The following SPATA6 variants were observed in gnomAD, a reference collection of about 807,000 sequenced individuals.
SPATA6 encodes the protein spermatogenesis-associated protein 6.
A neutral mutation model predicts 65.3 loss-of-function variants in SPATA6; 56 were observed. That is an observed-to-expected ratio of 0.86 (90% CI 0.69 to 1.07). The LOEUF is 1.07. Ranked by LOEUF, SPATA6 falls within the 50% of genes least tolerant of loss-of-function variation. The pLI, the probability that SPATA6 is intolerant of heterozygous loss-of-function variation, is 0.00. For synonymous variants in SPATA6, 199 were observed against 213.2 expected, an observed-to-expected ratio of 0.93 and a Z score of 0.58; for missense variants, 590 against 594.8, an observed-to-expected ratio of 0.99 and a Z score of 0.08.
chr1:48,313,359 T>C (rs1645287284), intron 11 of SPATA6, among the ~76,000 whole-genome samples: 1 of 152,152 alleles, frequency 6.6e-6, no homozygotes, highest in African/African-American at 2.4e-5. Context: ...GCAGAAACTC[T>C]ACAAGCCAGA....
chr1:48,395,679 T>C (rs890882725), intron 7 of SPATA6, among the ~76,000 whole-genome samples: 6 of 151,936 alleles, frequency 3.9e-5, no homozygotes, highest in Admixed American at 1.3e-4. Flanking sequence ...GCAATATACT[T>C]TGCCATATTT....
intron 3 of SPATA6, among the ~76,000 whole-genome samples, chr1:48,430,915 C>T (rs1458673550): frequency 6.6e-6 from 1 of 152,038 alleles, no homozygotes; most frequent in African/African-American, 2.4e-5. Context: ...TGAAATAAGT[C>T]TCTATCAGTA....
intron 9 of SPATA6, 74 bp downstream of exon 9, chr1:48,385,235 C>A: frequency 7.9e-7 from 1 of 1,268,358 alleles, no homozygotes; most frequent in Non-Finnish European, 1.1e-6. Flanking sequence ...ATCTGATATA[C>A]ATATATATGA....
the SPATA6 span, among the ~76,000 whole-genome samples, chr1:48,263,359 A>C: frequency 2.0e-5 from 3 of 152,192 alleles, no homozygotes; most frequent in Non-Finnish European, 4.4e-5. Context: ...AAGATGGATC[A>C]AAAGTATATT....
chr1:48,288,793 G>T, the SPATA6 span, among the ~76,000 whole-genome samples: 1 of 152,222 alleles, frequency 6.6e-6, no homozygotes, highest in East Asian at 1.9e-4. Flanking sequence ...CAGCAAGGCT[G>T]GGGGAGGGGC....
intron 11 of SPATA6, among the ~76,000 whole-genome samples, chr1:48,351,426 G>T (rs1646511383): frequency 6.6e-6 from 1 of 151,998 alleles, no homozygotes; most frequent in African/African-American, 2.4e-5. Context: ...TCTTTCACCA[G>T]TGAGCATAAT....
At chr1:48,376,396 T>A (rs748156541) in intron 9 of SPATA6, among the ~76,000 whole-genome samples, 1 of 152,058 alleles carries the variant, frequency 6.6e-6, no homozygotes, top group African/African-American at 2.4e-5. Flanking sequence ...CCTTGTACAT[T>A]TTCCTATTTC....
the SPATA6 span, among the ~76,000 whole-genome samples, chr1:48,283,103 T>A: frequency 6.9e-6 from 1 of 144,656 alleles, no homozygotes; most frequent in South Asian, 2.1e-4. Flanking sequence ...AAACACCGCA[T>A]ATTCTTACTC....
chr1:48,371,265 A>G (rs576406665), intron 9 of SPATA6, among the ~76,000 whole-genome samples: 3 of 120,318 alleles, frequency 2.5e-5, no homozygotes, highest in African/African-American at 8.5e-5. Context: ...TTGAATATGT[A>G]TCTATATAGA....
At chr1:48,409,208 C>A (rs1247151930) in intron 5 of SPATA6, among the ~76,000 whole-genome samples, 1 of 152,140 alleles carries the variant, frequency 6.6e-6, no homozygotes, top group Non-Finnish European at 1.5e-5. Context: ...AGAAATTGAC[C>A]AAAACAAAGG....
chr1:48,370,854 A>C (rs569093321), intron 9 of SPATA6, among the ~76,000 whole-genome samples: 1 of 152,344 alleles, frequency 6.6e-6, no homozygotes, highest in African/African-American at 2.4e-5. Context: ...GGATTTCTAC[A>C]AGGAAAGTCC....
intron 12 of SPATA6, among the ~76,000 whole-genome samples, chr1:48,303,713 C>G (rs979921752): frequency 2.0e-5 from 3 of 152,156 alleles, no homozygotes; most frequent in African/African-American, 4.8e-5. Flanking sequence ...AATAATGCTA[C>G]AATAAATATG....
At chr1:48,382,494 G>T (rs1482547473) in intron 9 of SPATA6, among the ~76,000 whole-genome samples, 11 of 113,458 alleles carry the variant, frequency 9.7e-5, no homozygotes, top group Non-Finnish European at 1.3e-4. Flanking sequence ...GGACGGGGCG[G>T]CTGGCCGGGC....
intron 10 of SPATA6, among the ~76,000 whole-genome samples, chr1:48,358,987 T>C (rs1646733894): frequency 6.6e-6 from 1 of 152,198 alleles, no homozygotes; most frequent in African/African-American, 2.4e-5. Context: ...TACAGAAACA[T>C]GGTTTTCTAT....
chr1:48,368,662 T>G (rs1647118888), intron 9 of SPATA6, among the ~76,000 whole-genome samples: 1 of 152,256 alleles, frequency 6.6e-6, no homozygotes, highest in Non-Finnish European at 1.5e-5. Context: ...CTTTAAGCAC[T>G]TCTCTGCATT....
chr1:48,385,322 G>A lies in SPATA6; in HGVS notation c.896C>T (p.Pro299Leu). 6.2e-7 allele frequency: 1 copy of A among 1,605,248 alleles called. No individual in the cohort carries two copies. The highest frequency in any genetic ancestry group is 8.5e-7 in the Non-Finnish European group (1 of 1,176,754). Residue 299 changes from proline (P) to leucine (L), a missense_variant, in exon 9 of 13, where the codon CCC (proline) becomes CTC (leucine). Coordinates refer to ENST00000371847, the MANE Select transcript of SPATA6 (RefSeq NM_019073.4). ...NDHSHLGCCR[P>L]KDYKVIRTPH... is the part of the protein sequence containing the mutation. ...CATTCTACACACCTTATAATCCTTGGGTCGGCAGCAGCCAAGATGAGAATG... is the reference window on the plus strand; with the variant it reads ...CATTCTACACACCTTATAATCCTTGAGTCGGCAGCAGCCAAGATGAGAATG...
intron 11 of SPATA6, among the ~76,000 whole-genome samples, chr1:48,343,495 T>C (rs1384092195): frequency 1.3e-5 from 2 of 152,132 alleles, no homozygotes; most frequent in Non-Finnish European, 2.9e-5. Context: ...TTCAATACTT[T>C]TGTAACGCCT....
rs1240582777 is a variant in SPATA6, at chr1:48,298,082, T to A, written c.*631A>T. 2.6e-5 allele frequency: 4 copies of A among 152,196 alleles called. No individual in the cohort carries two copies. The highest frequency in any genetic ancestry group is 5.9e-5 in the Non-Finnish European group (4 of 68,030). The allele number at this position is 152,196 out of a possible 1,614,324, so 9.4% of individuals were successfully genotyped here. The stretch of plus-strand genomic sequence containing the variant: ...TTTTGATCATCCATGGCACTGATAT[T>A]TCTAGCTAACTGCTATGCATTTTAA... On this transcript the variant is annotated 3_prime_UTR_variant, in exon 13 of 13. Coordinates refer to ENST00000371847, the MANE Select transcript of SPATA6 (RefSeq NM_019073.4).
At position 48,359,773 on chromosome 1, in the gene SPATA6, GT is replaced by G. The variant is rs757251962; in HGVS notation, c.910-4del. ...CTCCCATGGGGTGTCCTGATAACCT[GT>G]TTTAAAAATTATATACATATAGATA... On this transcript the variant is annotated splice_polypyrimidine_tract_variant and splice_region_variant and intron_variant, in intron 9 of 12. Transcript: ENST00000371847. 1 of 1,599,190 alleles carries G rather than the reference GT, an allele frequency of 6.3e-7. No homozygotes were observed.
Sources: allele counts gnomAD v4.1 joint callset (sites outside exome capture counted in the v4.1 genomes callset), GRCh38; gene constraint gnomAD v4.1.1; transcripts MANE v1.5; gene names NCBI Gene and HGNC (gene_info 2026-07-23, HGNC 2026-07-21).